The following CERS4 variants were observed in gnomAD, a reference collection of about 807,000 sequenced individuals.
CERS4 encodes the protein LAG1 homolog, ceramide synthase 4.
CERS4 carries 65 observed loss-of-function variants against 51.8 expected under a neutral mutation model. That is an observed-to-expected ratio of 1.26 (90% CI 1.03 to 1.54). CERS4 has a LOEUF of 1.54. Ranked by LOEUF, CERS4 falls within the 40% of genes most tolerant of loss-of-function variation. The pLI, the probability that CERS4 is intolerant of heterozygous loss-of-function variation, is 0.00. For synonymous variants in CERS4, 228 were observed against 208.4 expected (o/e 1.09, Z -0.81); for missense variants, 563 against 500.4 (o/e 1.13, Z -1.19).
chr19:8,241,667 A>G (rs1160955252), intron 2 of CERS4, among the ~76,000 whole-genome samples: 2 of 152,094 alleles, frequency 1.3e-5, no homozygotes, highest in Non-Finnish European at 2.9e-5. Flanking sequence ...AAGAGGGGCT[A>G]TTGTTTGTTC....
At chr19:8,215,218 C>T (rs1413210697) in intron 2 of CERS4, among the ~76,000 whole-genome samples, 4 of 152,078 alleles carry the variant, frequency 2.6e-5, no homozygotes, top group Non-Finnish European at 5.9e-5. Flanking sequence ...GTGGCTCACA[C>T]CTGTGATCCC....
chr19:8,211,818 G>A (rs1967094176), intron 2 of CERS4, among the ~76,000 whole-genome samples: 1 of 151,208 alleles, frequency 6.6e-6, no homozygotes. Context: ...CTTGAACCTG[G>A]GAGGCAGAAT....
intron 2 of CERS4, among the ~76,000 whole-genome samples, chr19:8,216,847 C>A (rs1368974793): frequency 6.6e-6 from 1 of 152,046 alleles, no homozygotes; most frequent in African/African-American, 2.4e-5. Flanking sequence ...TAGCGTACCT[C>A]GGGTGGCAGG....
At chr19:8,258,879 A>G (rs550214671) in intron 10 of CERS4, among the ~76,000 whole-genome samples, 15 of 151,330 alleles carry the variant, frequency 9.9e-5, no homozygotes, top group Non-Finnish European at 1.8e-4. Flanking sequence ...CACGCCTGTC[A>G]TCCCAGCACT....
chr19:8,221,871 T>TGG (rs1555772011), intron 2 of CERS4, among the ~76,000 whole-genome samples: 1 of 108,730 alleles, frequency 9.2e-6, no homozygotes, highest in Non-Finnish European at 1.8e-5. Flanking sequence ...TATTTTTTTA[T>TGG]GTTTTTTTTT....
rs1969488070 is a variant in CERS4 at position 8,257,999 on chromosome 19, C to T, written c.848+14C>T. On this transcript the variant is annotated intron_variant, in intron 10 of 11. Transcript: ENST00000251363. ...CTTTCCCACCCAGTGAGTCAGCCCT[C>T]CCATGGGGGTCAGGGAGGTGGGAGG... 4 of 1,596,412 alleles carry T rather than the reference C, an allele frequency of 2.5e-6. No individual in the cohort carries two copies. The highest frequency in any genetic ancestry group is 2.2e-5 in the East Asian group (1 of 44,796).
intron 2 of CERS4, chr19:8,250,725 G>T: frequency 1.3e-6 from 1 of 752,688 alleles, no homozygotes; most frequent in Non-Finnish European, 1.6e-6. Flanking sequence ...AAAGTGCTGG[G>T]ATTACAGGCG....
At chr19:8,230,610 G>C (rs1967969936) in intron 2 of CERS4, among the ~76,000 whole-genome samples, 1 of 152,154 alleles carries the variant, frequency 6.6e-6, no homozygotes, top group Non-Finnish European at 1.5e-5. Flanking sequence ...GTGCAACTTA[G>C]TAGTATTCAG....
At chr19:8,259,818 C>G (rs757937243) in intron 10 of CERS4, among the ~76,000 whole-genome samples, 12 of 152,122 alleles carry the variant, frequency 7.9e-5, no homozygotes, top group Non-Finnish European at 1.5e-4. Context: ...AGCCAGCAGC[C>G]TGGATGGCAT....
chr19:8,245,128 A>AACAAAAACAAAAC (rs1568523534), intron 2 of CERS4, among the ~76,000 whole-genome samples: 2 of 18,876 alleles, frequency 1.1e-4, no homozygotes, highest in African/African-American at 2.5e-4. Context: ...AAAAAAAAAA[A>AACAAAAACAAAAC]AAAAAAACAC....
rs771355894 is a variant in CERS4, at chr19:8,262,074, G to A, written c.1150G>A (p.Gly384Arg). 2.0e-5 allele frequency: 31 copies of A among 1,520,936 alleles called. No individual in the cohort carries two copies. The highest frequency in any genetic ancestry group is 1.1e-4 in the South Asian group (8 of 76,144). 94.2% of individuals were successfully genotyped at this position (1,520,936 alleles called of 1,614,324 possible). A position where few individuals can be genotyped will look rare whatever the true frequency, so the allele number is the denominator to read the frequency against. The part of the protein sequence containing the change: ...PTDGPRSRVA[G>R]RLTNRHTTAT ...TGATGGCCCTCGGAGCCGGGTGGCC[G>A]GGCGTCTGACCAACAGGCACACAAC... Residue 384 changes from glycine to arginine, a missense_variant, in exon 12 of 12, where the codon GGG (glycine) becomes AGG (arginine). Transcript: ENST00000251363.
intron 3 of CERS4, among the ~76,000 whole-genome samples, chr19:8,253,494 C>G (rs939709010): frequency 1.2e-4 from 16 of 128,594 alleles, no homozygotes; most frequent in Non-Finnish European, 2.2e-4. Flanking sequence ...TCTTGTTGCT[C>G]TGTCACCCAG....
Position 8,257,005 on chromosome 19 carries a change from C to T in CERS4, c.669C>T (p.Ser223=). 6.2e-7 allele frequency: 1 copy of T among 1,614,032 alleles called. No homozygotes were observed. Among genetic ancestry groups the T allele is most frequent in the Non-Finnish European group, 8.5e-7 (1 of 1,179,952 alleles). The change falls in exon 9 of 12, where the codon TCC becomes TCT. Residue 223 remains serine, a synonymous_variant. Coordinates refer to ENST00000251363, the MANE Select transcript of CERS4 (RefSeq NM_024552.3). ...TGGCGGTCATCCTGATGACCTTCTCCTACAGTGCCAACCTGCTGCGCATTG... is the reference window on the plus strand; with the variant it reads ...TGGCGGTCATCCTGATGACCTTCTCTTACAGTGCCAACCTGCTGCGCATTG... The part of the protein sequence containing the change: ...HFVAVILMTF[S]YSANLLRIGS...
At chr19:8,240,898 A>G (rs967280496) in intron 2 of CERS4, among the ~76,000 whole-genome samples, 2 of 151,284 alleles carry the variant, frequency 1.3e-5, no homozygotes, top group African/African-American at 2.4e-5. Flanking sequence ...CTTTCCCCCA[A>G]TCTGGGGCTA....
At chr19:8,256,809 G>C in intron 8 of CERS4, 99 bp downstream of exon 8, 4 of 1,569,432 alleles carry the variant, frequency 2.5e-6, no homozygotes, top group Non-Finnish European at 3.5e-6. Context: ...AGAGCTCCCT[G>C]GTGCCTCCTG....
chr19:8,228,908 C>T (rs1317712487), intron 2 of CERS4, among the ~76,000 whole-genome samples: 3 of 151,816 alleles, frequency 2.0e-5, no homozygotes, highest in Non-Finnish European at 2.9e-5. Flanking sequence ...CCTGTAATCC[C>T]AGCTACTTGG....
chr19:8,236,855 A>C (rs1440435173), intron 2 of CERS4, among the ~76,000 whole-genome samples: 1 of 151,496 alleles, frequency 6.6e-6, no homozygotes, highest in Non-Finnish European at 1.5e-5. Flanking sequence ...TACAAAAATT[A>C]GCCAGGCATC....
chr19:8,226,813 T>G (rs1304733817), intron 2 of CERS4, among the ~76,000 whole-genome samples: 1 of 150,674 alleles, frequency 6.6e-6, no homozygotes, highest in African/African-American at 2.4e-5. Context: ...GCCAACATGC[T>G]GAAACCCCGT....
At chr19:8,225,417 CTTT>C (rs35365775) in intron 2 of CERS4, among the ~76,000 whole-genome samples, 27 of 113,842 alleles carry the variant, frequency 2.4e-4, no homozygotes, top group Admixed American at 4.6e-4. Flanking sequence ...TCCAATAATT[CTTT>C]TTTTTTTTTT....
Sources: gnomAD v4.1 joint callset for allele counts (sites outside exome capture counted in the v4.1 genomes callset) on GRCh38, gnomAD v4.1.1 for gene constraint, MANE v1.5 for transcripts, NCBI Gene and HGNC (gene_info 2026-07-23, HGNC 2026-07-21) for gene names.